PKN2: variants seen among roughly 807,000 people sequenced by gnomAD.
PKN2 encodes the protein serine/threonine-protein kinase N2.
Under a neutral mutation model 119.1 loss-of-function variants are expected in PKN2, and 38 were observed. That is an observed-to-expected ratio of 0.32 (90% CI 0.25 to 0.42). PKN2 has a LOEUF of 0.42. Among genes scored for constraint, PKN2 ranks in the 10% least tolerant of loss-of-function variants. The pLI, the probability that PKN2 is intolerant of heterozygous loss-of-function variation, is 1.00. For synonymous variants in PKN2, 390 were observed against 384.9 expected, an observed-to-expected ratio of 1.01 and a Z score of -0.15; for missense variants, 850 against 1,165.1, an observed-to-expected ratio of 0.73 and a Z score of 3.94.
At chr1:88,773,683 G>A (rs1006121220) in intron 6 of PKN2, among the ~76,000 whole-genome samples, 3 of 152,156 alleles carry the variant, frequency 2.0e-5, no homozygotes, top group Non-Finnish European at 2.9e-5. Flanking sequence ...GGAGGCAGAG[G>A]CAGGAGAATT....
Position 88,684,634 on chromosome 1 carries a change from G to T in PKN2, c.48+6G>T. The T allele has an allele frequency of 6.4e-7, 1 of 1,551,996 alleles. No individual in the cohort carries two copies. The highest frequency in any genetic ancestry group is 8.7e-7 in the Non-Finnish European group (1 of 1,149,952). ...TTCTGCTCACGGAACTGCAGGTAAG[G>T]GCCGCGGCCCTGGTGAGAGGCGCTG... On this transcript the variant is annotated splice_donor_region_variant and intron_variant, in intron 1 of 21. Transcript: ENST00000370521.
chr1:88,782,160 T>A (rs2100823719), intron 6 of PKN2, among the ~76,000 whole-genome samples: 1 of 152,266 alleles, frequency 6.6e-6, no homozygotes, highest in South Asian at 2.1e-4. Context: ...GCTTTCATTG[T>A]TTTGCATGAG....
chr1:88,753,431 A>G (rs1669079206), intron 2 of PKN2, among the ~76,000 whole-genome samples: 2 of 152,072 alleles, frequency 1.3e-5, no homozygotes, highest in South Asian at 2.1e-4. Flanking sequence ...TTTTGTCTTC[A>G]TTGTTGAAAG....
chr1:88,721,247 T>C lies in PKN2; in HGVS notation c.49-19741T>C, dbSNP rs530476961. On this transcript the variant is annotated intron_variant, in intron 1 of 21. Coordinates refer to ENST00000370521, the MANE Select transcript of PKN2 (RefSeq NM_006256.4). Reference sequence around the variant, plus strand: ...CTAGTTTACATTCCCACCAGCAGTGTAGAAGTGTTCCCTTTTCACCATATC... The same window carrying C: ...CTAGTTTACATTCCCACCAGCAGTGCAGAAGTGTTCCCTTTTCACCATATC... Among the ~76,000 whole-genome samples the C allele has an allele frequency of 8.5e-3, 1,288 of 152,314 alleles. 17 individuals are homozygous for C. The highest frequency in any genetic ancestry group is 0.03 in the African/African-American group (1,232 of 41,562).
rs547927036 is a variant in PKN2, at chr1:88,719,352, G to A, written c.49-21636G>A. On this transcript the variant is annotated intron_variant, in intron 1 of 21. Coordinates refer to ENST00000370521, the MANE Select transcript of PKN2 (RefSeq NM_006256.4). ...TTTTCCTTTCTCTACCTTCCAGCTC[G>A]GAGTAACTAACAACTTGCTTTTATT... Among the ~76,000 whole-genome samples, 6 of 152,104 alleles carry A rather than the reference G, an allele frequency of 3.9e-5. No homozygotes were observed. In the East Asian group the frequency reaches 7.7e-4, roughly 20 times the overall value.
intron 2 of PKN2, among the ~76,000 whole-genome samples, chr1:88,742,701 C>T (rs1460362556): frequency 2.0e-5 from 3 of 150,470 alleles, no homozygotes; most frequent in Non-Finnish European, 2.9e-5. Flanking sequence ...TGGAACTCTG[C>T]CAAACTCTAC....
intron 1 of PKN2, among the ~76,000 whole-genome samples, chr1:88,686,434 C>G (rs898120780): frequency 1.3e-5 from 2 of 151,778 alleles, no homozygotes; most frequent in African/African-American, 4.8e-5. Flanking sequence ...TTGATAATAA[C>G]AAGGAAGCAA....
chr1:88,684,665 G>C (rs1665998834), intron 1 of PKN2, 37 bp downstream of exon 1: 2 of 1,475,352 alleles, frequency 1.4e-6, no homozygotes, highest in East Asian at 5.7e-5. Context: ...CGCTGGCGGA[G>C]GAGACAGGGA....
At chr1:88,824,806 A>G (rs989068899) in intron 18 of PKN2, among the ~76,000 whole-genome samples, 55 of 152,240 alleles carry the variant, frequency 3.6e-4, no homozygotes, top group African/African-American at 1.3e-3. Context: ...TGTATATTCA[A>G]AAGTAAATAA....
intron 1 of PKN2, among the ~76,000 whole-genome samples, chr1:88,705,882 T>C (rs1666982658): frequency 6.6e-6 from 1 of 152,144 alleles, no homozygotes; most frequent in South Asian, 2.1e-4. Context: ...CCATGCTGTT[T>C]TGATTATTGG....
At chr1:88,686,278 A>C (rs934582952) in intron 1 of PKN2, among the ~76,000 whole-genome samples, 3 of 152,124 alleles carry the variant, frequency 2.0e-5, no homozygotes, top group African/African-American at 7.2e-5. Context: ...TGAATTGAGC[A>C]GTGTTAGAGT....
chr1:88,686,001 G>A (rs1432968889), intron 1 of PKN2, among the ~76,000 whole-genome samples: 1 of 152,088 alleles, frequency 6.6e-6, no homozygotes, highest in African/African-American at 2.4e-5. Context: ...AGAATCCTTT[G>A]GTAATGCAAA....
intron 2 of PKN2, among the ~76,000 whole-genome samples, chr1:88,742,884 G>A (rs1425049430): frequency 2.0e-5 from 3 of 152,046 alleles, no homozygotes; most frequent in Admixed American, 6.6e-5. Context: ...TTCCCCATTC[G>A]TTTTATAAAA....
intron 3 of PKN2, among the ~76,000 whole-genome samples, chr1:88,761,099 C>G (rs545097139): frequency 6.6e-6 from 1 of 152,112 alleles, no homozygotes; most frequent in South Asian, 2.1e-4. Flanking sequence ...TAACTCCTAA[C>G]TGAAAATCAG....
intron 1 of PKN2, among the ~76,000 whole-genome samples, chr1:88,690,082 C>T (rs1251073519): frequency 1.3e-5 from 2 of 152,080 alleles, no homozygotes; most frequent in Non-Finnish European, 2.9e-5. Flanking sequence ...ATTTTTTTGT[C>T]ATCTCTCATT....
intron 15 of PKN2, among the ~76,000 whole-genome samples, chr1:88,810,184 G>A (rs1570665989): frequency 2.0e-5 from 3 of 151,718 alleles, no homozygotes. Flanking sequence ...GCAATGGCAT[G>A]AATTTGGCTC....
intron 16 of PKN2, among the ~76,000 whole-genome samples, chr1:88,818,764 C>G (rs1440348707): frequency 1.3e-5 from 2 of 152,094 alleles, no homozygotes; most frequent in Admixed American, 1.3e-4. Flanking sequence ...CATCACGCTA[C>G]CTGATTTCAA....
intron 8 of PKN2, among the ~76,000 whole-genome samples, chr1:88,794,367 CAA>C (rs61455908): frequency 2.0e-4 from 24 of 117,284 alleles, no homozygotes; most frequent in South Asian, 2.7e-4. Context: ...AATTCTGTCT[CAA>C]AAAAAAAAAA....
At chr1:88,772,841 TA>T (rs1669950114) in intron 6 of PKN2, among the ~76,000 whole-genome samples, 1 of 152,236 alleles carries the variant, frequency 6.6e-6, no homozygotes, top group African/African-American at 2.4e-5. Flanking sequence ...CAACAGTTAA[TA>T]TTTTTTTTCA....
Sources: gnomAD v4.1 joint callset for allele counts (sites outside exome capture counted in the v4.1 genomes callset) on GRCh38, gnomAD v4.1.1 for gene constraint, MANE v1.5 for transcripts, NCBI Gene and HGNC (gene_info 2026-07-23, HGNC 2026-07-21) for gene names.